Variants in INPP5A observed in about 807,000 individuals in gnomAD.
The protein encoded by INPP5A is inositol polyphosphate-5-phosphatase A.
INPP5A carries 14 observed loss-of-function variants against 65.2 expected under a neutral mutation model. The ratio of observed to expected loss-of-function variants is 0.21; its 90% CI spans 0.14 to 0.34. INPP5A has a LOEUF of 0.34. INPP5A is among the 10% of genes least tolerant of loss of function. The pLI is 1.00. For missense variants in INPP5A, 431 were observed against 545.6 expected (o/e 0.79, Z 2.09); for synonymous variants, 207 against 208.3 (o/e 0.99, Z 0.05).
At chr10:132,720,640 C>G (rs2134563483) in intron 8 of INPP5A, among the ~76,000 whole-genome samples, 1 of 147,590 alleles carries the variant, frequency 6.8e-6, no homozygotes, top group East Asian at 2.1e-4. Flanking sequence ...TCTGTCTGGG[C>G]ACCTTAGACG....
At chr10:132,560,994 A>G (rs781286715) in intron 1 of INPP5A, among the ~76,000 whole-genome samples, 1 of 151,338 alleles carries the variant, frequency 6.6e-6, no homozygotes, top group African/African-American at 2.4e-5. Flanking sequence ...GTAATTTACA[A>G]ATGTTTTCTC....
At chr10:132,738,938 T>C (rs1387600529) in intron 9 of INPP5A, among the ~76,000 whole-genome samples, 3 of 152,176 alleles carry the variant, frequency 2.0e-5, no homozygotes, top group African/African-American at 2.4e-5. Flanking sequence ...GTGGGCACTT[T>C]TGTCAAGTGA....
chr10:132,653,002 G>A (rs1037659476), intron 4 of INPP5A, among the ~76,000 whole-genome samples: 3 of 152,292 alleles, frequency 2.0e-5, no homozygotes, highest in East Asian at 3.9e-4. Context: ...GCAGGTGGGC[G>A]GAGGGGCAGT....
intron 4 of INPP5A, among the ~76,000 whole-genome samples, chr10:132,660,472 A>G (rs947213310): frequency 3.9e-5 from 6 of 152,008 alleles, no homozygotes; most frequent in African/African-American, 1.5e-4. Context: ...GGAGGAAGAG[A>G]CTCCTTCTGT....
chr10:132,559,340 T>C (rs2071170299), intron 1 of INPP5A, among the ~76,000 whole-genome samples: 2 of 152,254 alleles, frequency 1.3e-5, no homozygotes, highest in Non-Finnish European at 2.9e-5. Flanking sequence ...GCTGCATTTA[T>C]TGTTGTCGAT....
intron 2 of INPP5A, among the ~76,000 whole-genome samples, chr10:132,612,477 C>A (rs1243070270): frequency 6.8e-6 from 1 of 146,084 alleles, no homozygotes; most frequent in African/African-American, 2.6e-5. Context: ...GGAGGCTGTG[C>A]AGGTGCCCTG....
intron 9 of INPP5A, among the ~76,000 whole-genome samples, chr10:132,747,894 A>G (rs1195419385): frequency 6.6e-6 from 1 of 152,132 alleles, no homozygotes; most frequent in Non-Finnish European, 1.5e-5. Context: ...ACAAAAATTT[A>G]GAAAATTAGC....
rs113123126 is a variant in INPP5A, at chr10:132,675,264, C to T, written c.307-15128C>T. 0.035 allele frequency among the ~76,000 whole-genome samples: 5,297 copies of T among 152,292 alleles called. 300 individuals are homozygous for T. Among genetic ancestry groups the T allele is most frequent in the African/African-American group, 0.12 (4,942 of 41,540 alleles). ...CAGGGGACGGTGCAGCCGCATCTTC[C>T]GTGTCCTTGGAGGAAATGTCAGCAT... On this transcript the variant is annotated intron_variant, in intron 4 of 15. Coordinates refer to ENST00000368594, the MANE Select transcript of INPP5A (RefSeq NM_005539.5). The surrounding 1 kb of genome is among the most constrained non-coding windows in gnomAD (Gnocchi z 4.2).
At chr10:132,592,511 G>A (rs2071631347) in intron 1 of INPP5A, among the ~76,000 whole-genome samples, 2 of 152,172 alleles carry the variant, frequency 1.3e-5, no homozygotes, top group Admixed American at 1.3e-4. Flanking sequence ...CGCCTCCCGG[G>A]TTCAAGTGAT....
chr10:132,748,330 C>T (rs1038120580), intron 9 of INPP5A, among the ~76,000 whole-genome samples: 25 of 152,332 alleles, frequency 1.6e-4, no homozygotes, highest in African/African-American at 4.1e-4. Context: ...GATGCAGAAA[C>T]GCCGGTGCCT....
In INPP5A at chr10:132,588,012, C is replaced by CAAAA. The variant is rs796469034; in HGVS notation, c.76-19885_76-19882dup. Reference sequence around the variant, plus strand: ...GGGCAACAAGAGTAAAACTCCATCTCAAAAAAAAAAAAAAAAAAAAAGGAT... The same window carrying CAAAA: ...GGGCAACAAGAGTAAAACTCCATCTCAAAAAAAAAAAAAAAAAAAAAAAAAGGAT... On this transcript the variant is annotated intron_variant, in intron 1 of 15. Transcript: ENST00000368594. Among the ~76,000 whole-genome samples the CAAAA allele has an allele frequency of 1.6e-3, 87 of 55,906 alleles. 7 individuals carry two copies. The highest frequency in any genetic ancestry group is 0.011 in the Middle Eastern group (1 of 94). The allele number at this position is 55,906 out of a possible 152,430, so 36.7% of individuals were successfully genotyped here.
intron 2 of INPP5A, among the ~76,000 whole-genome samples, chr10:132,611,549 A>C (rs1265609923): frequency 5.0e-5 from 5 of 100,086 alleles, no homozygotes; most frequent in East Asian, 3.5e-4. Flanking sequence ...GGGGAGGGTG[A>C]GGGAGGTGAG....
At chr10:132,588,028 A>AAAAAAG in intron 1 of INPP5A, among the ~76,000 whole-genome samples, 1 of 151,926 alleles carries the variant, frequency 6.6e-6, no homozygotes, top group Non-Finnish European at 1.5e-5. Context: ...AAAAAAAAAA[A>AAAAAAG]AAAAAGGATT....
intron 2 of INPP5A, among the ~76,000 whole-genome samples, chr10:132,631,913 A>G (rs550258158): frequency 9.2e-5 from 14 of 152,302 alleles, no homozygotes; most frequent in African/African-American, 3.4e-4. Context: ...AATTTTGGTG[A>G]AGAAAATGCA....
chr10:132,659,473 G>A lies in INPP5A; in HGVS notation c.306+8968G>A, dbSNP rs552299568. ...CATCCACGGACGCGGGTCTGGAGGCGCTGCTGTCTAAGCTGAGGCTTTTGA... is the reference window on the plus strand; with the variant it reads ...CATCCACGGACGCGGGTCTGGAGGCACTGCTGTCTAAGCTGAGGCTTTTGA... On this transcript the variant is annotated intron_variant, in intron 4 of 15. Transcript: ENST00000368594. The surrounding 1 kb of genome is among the most constrained non-coding windows in gnomAD (Gnocchi z 5.5). 2.0e-5 allele frequency among the ~76,000 whole-genome samples: 3 copies of A among 152,308 alleles called. No individual in the cohort carries two copies. Among genetic ancestry groups the A allele is most frequent in the East Asian group, 1.9e-4 (1 of 5,182 alleles).
At chr10:132,556,499 G>A (rs1453903124) in intron 1 of INPP5A, among the ~76,000 whole-genome samples, 1 of 152,156 alleles carries the variant, frequency 6.6e-6, no homozygotes, top group African/African-American at 2.4e-5. Context: ...GCACACACAT[G>A]CATGTACAAG....
intron 3 of INPP5A, among the ~76,000 whole-genome samples, chr10:132,646,674 A>G (rs2072498977): frequency 1.3e-5 from 2 of 152,180 alleles, no homozygotes; most frequent in African/African-American, 2.4e-5. Flanking sequence ...CTCCACCTCC[A>G]GACCCTGGGC....
At chr10:132,579,010 C>A (rs1209762379) in intron 1 of INPP5A, among the ~76,000 whole-genome samples, 1 of 152,222 alleles carries the variant, frequency 6.6e-6, no homozygotes, top group Non-Finnish European at 1.5e-5. Context: ...TGCTCGTCCT[C>A]TTGTGCCTCG....
chr10:132,760,799 T>C (rs1224242452), intron 11 of INPP5A, among the ~76,000 whole-genome samples: 6 of 152,188 alleles, frequency 3.9e-5, no homozygotes, highest in Non-Finnish European at 8.8e-5. Flanking sequence ...GGGCGGTCCT[T>C]TGTCCACTGT....
Sources: allele counts gnomAD v4.1 joint callset (sites outside exome capture counted in the v4.1 genomes callset), GRCh38; gene constraint gnomAD v4.1.1; non-coding constraint Gnocchi (gnomAD v3.1); transcripts MANE v1.5; gene names NCBI Gene and HGNC (gene_info 2026-07-23, HGNC 2026-07-21).